PADI6: variants seen among roughly 807,000 people sequenced by gnomAD.
The protein encoded by PADI6 is inactive protein-arginine deiminase type-6.
In PADI6, 66 loss-of-function variants were observed where a neutral mutation model predicts 78.2. The ratio of observed to expected loss-of-function variants is 0.84; its 90% CI spans 0.69 to 1.04. The LOEUF is 1.04. Ranked by LOEUF, PADI6 falls within the 50% of genes least tolerant of loss-of-function variation. PADI6 has a pLI of 0.00. For missense variants in PADI6, 854 were observed against 866.1 expected, an observed-to-expected ratio of 0.99 and a Z score of 0.18; for synonymous variants, 397 against 346.9, an observed-to-expected ratio of 1.14 and a Z score of -1.60.
chr1:17,401,563 G>A lies in PADI6; in HGVS notation c.*125G>A. 3 of 917,104 alleles carry A rather than the reference G, an allele frequency of 3.3e-6. No individual in the cohort carries two copies. Among genetic ancestry groups the A allele is most frequent in the Middle Eastern group, 3.4e-4 (1 of 2,932 alleles). 56.8% of individuals were successfully genotyped at this position (917,104 alleles called of 1,614,324 possible). A position where few individuals can be genotyped will look rare whatever the true frequency, so the allele number is the denominator to read the frequency against. On this transcript the variant is annotated 3_prime_UTR_variant, in exon 16 of 16. Coordinates refer to ENST00000619609, the MANE Select transcript of PADI6 (RefSeq NM_207421.4). ...CAGGCAACAGAACCCTTTCTTCCCT[G>A]TCTGCCCCGACCGACCCTCGGACCC...
At chr1:17,396,987 G>T (rs2075253023) in intron 13 of PADI6, 84 bp from the exon 14 acceptor site, 2 of 1,339,478 alleles carry the variant, frequency 1.5e-6, no homozygotes, top group East Asian at 2.4e-5. Flanking sequence ...CACCCAGGTG[G>T]CTGGGCCTGG....
intron 15 of PADI6, 74 bp downstream of exon 15, chr1:17,398,921 G>GTCCACCATATCTGCAGTCCA: frequency 1.4e-6 from 2 of 1,479,596 alleles, no homozygotes; most frequent in Non-Finnish European, 1.9e-6. Flanking sequence ...TCACTGTGCT[G>GTCCACCATATCTGCAGTCCA]GACTGCAGAT....
chr1:17,401,311 C>G lies in PADI6; in HGVS notation c.1958C>G (p.Pro653Arg). Residue 653 changes from proline (P) to arginine (R), a missense_variant, in exon 16 of 16, where the codon CCC (proline) becomes CGC (arginine). Physicochemically the swap from Pro to Arg is moderately radical, Grantham distance 103. Transcript: ENST00000619609. ...GAAAAGATTTGCTGCTTGCTGGAGC[C>G]CCTGGGCTTCAAGTGCACCTTCATC... ...LEEKICCLLE[P>R]LGFKCTFIND... 6.2e-7 allele frequency: 1 copy of G among 1,614,052 alleles called. No homozygotes were observed. The highest frequency in any genetic ancestry group is 1.3e-5 in the African/African-American group (1 of 75,054).
At chr1:17,397,449 A>AC (rs2075258062) in intron 14 of PADI6, among the ~76,000 whole-genome samples, 1 of 152,102 alleles carries the variant, frequency 6.6e-6, no homozygotes, top group Admixed American at 6.5e-5. Flanking sequence ...ATGGCTGAGG[A>AC]CCCAGGGTGG....
chr1:17,400,534 T>C (rs574049931), intron 15 of PADI6, among the ~76,000 whole-genome samples: 1 of 152,192 alleles, frequency 6.6e-6, no homozygotes, highest in East Asian at 1.9e-4. Flanking sequence ...TTTTGTTTTT[T>C]AAATTCTGTT....
At chr1:17,379,133 A>AGACGG (rs2075048017) in intron 3 of PADI6, among the ~76,000 whole-genome samples, 1 of 78,380 alleles carries the variant, frequency 1.3e-5, no homozygotes, top group Non-Finnish European at 2.5e-5. Context: ...TTTTTTTTTT[A>AGACGG]AGACGGAGTC....
intron 3 of PADI6, among the ~76,000 whole-genome samples, chr1:17,378,954 T>C (rs1464812792): frequency 1.5e-5 from 2 of 131,740 alleles, no homozygotes; most frequent in African/African-American, 3.0e-5. Flanking sequence ...TGAATTTTTT[T>C]TGGGGGGGGG....
chr1:17,398,751 C>A lies in PADI6; in HGVS notation c.1755C>A (p.Ile585=), dbSNP rs746099768. The change falls in exon 15 of 16, where the codon ATC becomes ATA. Residue 585 remains isoleucine, a synonymous_variant. Coordinates refer to ENST00000619609, the MANE Select transcript of PADI6 (RefSeq NM_207421.4). ...TELGLVEQDI[I]EIPQLFCLEK... is the part of the protein sequence containing the mutation. The stretch of plus-strand genomic sequence containing the variant: ...TGGGCCTGGTGGAACAGGACATCAT[C>A]GAGATTCCCCAGCTGTTCTGCTTGG... 6.2e-7 allele frequency: 1 copy of A among 1,605,532 alleles called. No individual in the cohort carries two copies. Among genetic ancestry groups the A allele is most frequent in the African/African-American group, 1.4e-5 (1 of 73,272 alleles).
intron 14 of PADI6, 109 bp downstream of exon 14, chr1:17,397,250 G>C: frequency 1.7e-6 from 2 of 1,186,178 alleles, no homozygotes; most frequent in South Asian, 1.4e-5. Context: ...GGCGGCGGGG[G>C]GCAGCTGCCT....
chr1:17,387,464 G>C (rs868651982), intron 6 of PADI6, among the ~76,000 whole-genome samples: 3 of 151,406 alleles, frequency 2.0e-5, no homozygotes, highest in Admixed American at 6.6e-5. Context: ...AAGGAGGGGG[G>C]GGGGCCAGGC....
At chr1:17,398,875 G>T (rs752321854) in intron 15 of PADI6, 28 bp downstream of exon 15, 17 of 1,607,908 alleles carry the variant, frequency 1.1e-5, no homozygotes, top group East Asian at 2.2e-5. Context: ...ATCCCTGGGT[G>T]GGGGAGGGCC....
intron 6 of PADI6, 127 bp from the exon 7 acceptor site, chr1:17,388,254 C>T (rs1365300899): frequency 3.4e-6 from 3 of 869,854 alleles, no homozygotes; most frequent in Non-Finnish European, 5.1e-6. Flanking sequence ...TGAGCCATTT[C>T]AGCTCCAGCC....
intron 14 of PADI6, among the ~76,000 whole-genome samples, chr1:17,398,348 G>A (rs1246342014): frequency 1.3e-5 from 2 of 152,154 alleles, no homozygotes; most frequent in East Asian, 3.9e-4. Context: ...GGAGACAGGT[G>A]TGTTGGGTTA....
At chr1:17,378,955 T>TGGG (rs200989865) in intron 3 of PADI6, among the ~76,000 whole-genome samples, 72 of 136,804 alleles carry the variant, frequency 5.3e-4, no homozygotes, top group Admixed American at 8.7e-4. Context: ...GAATTTTTTT[T>TGGG]GGGGGGGGGG....
At chr1:17,394,237 T>C (rs2075222809) in intron 10 of PADI6, 63 bp from the exon 11 acceptor site, 10 of 1,591,012 alleles carry the variant, frequency 6.3e-6, no homozygotes, top group Middle Eastern at 1.7e-4. Context: ...GATTTAGGGA[T>C]AAGACTGGGG....
chr1:17,381,095 A>T lies in PADI6; in HGVS notation c.484A>T (p.Asn162Tyr). ...CGGTTGGGGTGCCATCCTGCTTGTG[A>T]ATTGCAACCCTGCTGATGTGGGCCA... ...PSGWGAILLV[N>Y]CNPADVGQQL... The change falls in exon 5 of 16, where the codon AAT becomes TAT. Residue 162 changes from asparagine (N) to tyrosine (Y), a missense_variant. Coordinates refer to ENST00000619609, the MANE Select transcript of PADI6 (RefSeq NM_207421.4). The T allele has an allele frequency of 6.2e-7, 1 of 1,609,910 alleles. No individual in the cohort carries two copies. The highest frequency in any genetic ancestry group is 1.1e-5 in the South Asian group (1 of 89,746).
intron 4 of PADI6, 30 bp downstream of exon 4, chr1:17,380,017 A>G: frequency 1.2e-6 from 2 of 1,610,024 alleles, no homozygotes; most frequent in Non-Finnish European, 1.7e-6. Flanking sequence ...GGGGCAGGGA[A>G]GGGGCCCTAT....
chr1:17,396,043 G>A (rs1026525375), intron 13 of PADI6, among the ~76,000 whole-genome samples: 1 of 152,144 alleles, frequency 6.6e-6, no homozygotes, highest in African/African-American at 2.4e-5. Flanking sequence ...ACACACAGGT[G>A]GACAAGCAGA....
rs1030544558 is a variant in PADI6 at position 17,381,919 on chromosome 1, G to C, written c.554-48G>C. 4.9e-5 allele frequency: 79 copies of C among 1,609,968 alleles called. 1 individual carries two copies. In the East Asian group the frequency reaches 1.7e-3, roughly 36 times the overall value. On this transcript the variant is annotated intron_variant, in intron 5 of 15. Coordinates refer to ENST00000619609, the MANE Select transcript of PADI6 (RefSeq NM_207421.4). ...TACTGCTCTTCCCTCCACCCCCAGA[G>C]TGCTGGCCTCCAGACATTCCTTAAC...
Sources: allele counts gnomAD v4.1 joint callset (sites outside exome capture counted in the v4.1 genomes callset), GRCh38; gene constraint gnomAD v4.1.1; transcripts MANE v1.5; gene names NCBI Gene and HGNC (gene_info 2026-07-23, HGNC 2026-07-21).